The following CAMK2D variants were observed in gnomAD, a reference collection of about 807,000 sequenced individuals.
CAMK2D encodes the protein calcium/calmodulin-dependent protein kinase type II subunit delta.
CAMK2D carries 37 observed loss-of-function variants against 84.0 expected under a neutral mutation model. That is an observed-to-expected ratio of 0.44 (90% CI 0.34 to 0.58). The LOEUF is 0.58. Among genes scored for constraint, CAMK2D ranks in the 20% least tolerant of loss-of-function variants. The pLI is 0.02. For missense variants in CAMK2D, 448 were observed against 652.5 expected (o/e 0.69, Z 3.41); for synonymous variants, 202 against 212.5 (o/e 0.95, Z 0.43).
chr4:113,715,432 T>C (rs1043409366), intron 2 of CAMK2D, among the ~76,000 whole-genome samples: 1 of 152,092 alleles, frequency 6.6e-6, no homozygotes, highest in Non-Finnish European at 1.5e-5. Context: ...ATGCTATGAG[T>C]TTATATCATA....
intron 4 of CAMK2D, among the ~76,000 whole-genome samples, chr4:113,603,835 C>G (rs2098966079): frequency 7.0e-6 from 1 of 142,602 alleles, no homozygotes; most frequent in Admixed American, 7.0e-5. Context: ...GGCATGGTAG[C>G]TCACACCTGA....
At chr4:113,695,170 A>G (rs1016322511) in intron 2 of CAMK2D, among the ~76,000 whole-genome samples, 2 of 152,138 alleles carry the variant, frequency 1.3e-5, no homozygotes, top group Admixed American at 1.3e-4. Flanking sequence ...ATAACTGTCA[A>G]TACTAACTTC....
At chr4:113,582,479 AGTAT>A (rs932854344) in intron 4 of CAMK2D, among the ~76,000 whole-genome samples, 16 of 152,304 alleles carry the variant, frequency 1.1e-4, no homozygotes, top group Non-Finnish European at 1.9e-4. Flanking sequence ...ATCAAGTCAA[AGTAT>A]GTTTCTATCA....
chr4:113,478,264 T>C (rs2097655722), intron 16 of CAMK2D, among the ~76,000 whole-genome samples: 1 of 152,200 alleles, frequency 6.6e-6, no homozygotes, highest in African/African-American at 2.4e-5. Flanking sequence ...CTAACCCAGA[T>C]GATGAAATTC....
chr4:113,460,110 TA>T, intron 18 of CAMK2D, 36 bp downstream of exon 18: 1 of 1,236,738 alleles, frequency 8.1e-7, no homozygotes, highest in Non-Finnish European at 1.2e-6. Flanking sequence ...CAGAGAGGTT[TA>T]AAAAGGGCAT....
chr4:113,713,909 T>G lies in CAMK2D; in HGVS notation c.160+45411A>C, dbSNP rs905601741. Among the ~76,000 whole-genome samples the G allele has an allele frequency of 3.3e-5, 5 of 151,644 alleles. No individual in the cohort carries two copies. In the East Asian group the frequency reaches 5.8e-4, roughly 18 times the overall value. ...TTTTTGGGGGGGTGCATTTATTTGG[T>G]TTTTTTTGTATCTTAATGTGGTAAG... On this transcript the variant is annotated intron_variant, in intron 2 of 20. Coordinates refer to ENST00000511664, the MANE Select transcript of CAMK2D (RefSeq NM_001321571.2).
chr4:113,586,527 CT>C (rs1257397831), intron 4 of CAMK2D, among the ~76,000 whole-genome samples: 3 of 152,194 alleles, frequency 2.0e-5, no homozygotes, highest in East Asian at 3.8e-4. Context: ...TTGTCAACCA[CT>C]TTTCAGCAAA....
At chr4:113,611,343 A>G (rs766612728) in intron 3 of CAMK2D, among the ~76,000 whole-genome samples, 57 of 152,200 alleles carry the variant, frequency 3.7e-4, no homozygotes, top group Non-Finnish European at 5.9e-4. Context: ...AGCAGCTATA[A>G]TACAGTATGT....
chr4:113,745,930 G>A (rs1405828369), intron 2 of CAMK2D, among the ~76,000 whole-genome samples: 1 of 152,176 alleles, frequency 6.6e-6, no homozygotes, highest in Non-Finnish European at 1.5e-5. Flanking sequence ...GCCACACGGG[G>A]ATGGCAGGCC....
chr4:113,583,735 T>C (rs1033647833), intron 4 of CAMK2D, among the ~76,000 whole-genome samples: 2 of 152,244 alleles, frequency 1.3e-5, no homozygotes, highest in African/African-American at 4.8e-5. Flanking sequence ...AGGGTACAGA[T>C]AGAATGTACT....
chr4:113,697,807 T>C (rs1409907075), intron 2 of CAMK2D, among the ~76,000 whole-genome samples: 3 of 152,050 alleles, frequency 2.0e-5, no homozygotes, highest in Admixed American at 2.0e-4. Flanking sequence ...GCCCATTTTC[T>C]CCTTGAATTA....
chr4:113,601,328 T>G (rs2098951079), intron 4 of CAMK2D, among the ~76,000 whole-genome samples: 1 of 152,240 alleles, frequency 6.6e-6, no homozygotes, highest in African/African-American at 2.4e-5. Flanking sequence ...CAGAATGTCA[T>G]GAGCATTTAA....
At chr4:113,676,876 T>A (rs897068692) in intron 2 of CAMK2D, among the ~76,000 whole-genome samples, 1 of 152,224 alleles carries the variant, frequency 6.6e-6, no homozygotes, top group Admixed American at 6.5e-5. Context: ...CTCTAATTGT[T>A]TCTCTGGGTC....
chr4:113,675,966 T>G (rs990067355), intron 2 of CAMK2D, among the ~76,000 whole-genome samples: 6 of 152,210 alleles, frequency 3.9e-5, no homozygotes, highest in Non-Finnish European at 7.3e-5. Flanking sequence ...AGTTCAGATT[T>G]TCATATATCT....
intron 3 of CAMK2D, among the ~76,000 whole-genome samples, chr4:113,659,171 T>G (rs2099216305): frequency 6.6e-6 from 1 of 152,180 alleles, no homozygotes; most frequent in Non-Finnish European, 1.5e-5. Flanking sequence ...AGTTTCATTA[T>G]CCACAAAAAT....
chr4:113,534,612 C>T (rs1314640297), intron 7 of CAMK2D, among the ~76,000 whole-genome samples: 1 of 152,114 alleles, frequency 6.6e-6, no homozygotes, highest in Non-Finnish European at 1.5e-5. Context: ...GATGCTATTG[C>T]TTTTACTGAC....
chr4:113,752,881 A>G (rs1562234216), intron 2 of CAMK2D, among the ~76,000 whole-genome samples: 1 of 152,116 alleles, frequency 6.6e-6, no homozygotes. Context: ...CTCTAAATGT[A>G]TTTTCCCAAA....
intron 1 of CAMK2D, 87 bp downstream of exon 1, chr4:113,760,917 C>G: frequency 6.4e-7 from 1 of 1,560,168 alleles, no homozygotes; most frequent in Non-Finnish European, 8.8e-7. Context: ...ACTCCCTCGC[C>G]CCAAGACGGA....
intron 2 of CAMK2D, among the ~76,000 whole-genome samples, chr4:113,665,221 C>T (rs1026069483): frequency 2.6e-5 from 4 of 152,188 alleles, no homozygotes; most frequent in Admixed American, 2.0e-4. Flanking sequence ...AGGCATTCTG[C>T]ACTCTCCCAC....
Sources: gnomAD v4.1 joint callset for allele counts (sites outside exome capture counted in the v4.1 genomes callset) on GRCh38, gnomAD v4.1.1 for gene constraint, MANE v1.5 for transcripts, NCBI Gene and HGNC (gene_info 2026-07-23, HGNC 2026-07-21) for gene names.